The following MMS22L variants were observed in gnomAD, a reference collection of about 807,000 sequenced individuals.
MMS22L encodes the protein MMS22 like, DNA repair protein.
MMS22L carries 74 observed loss-of-function variants against 159.1 expected under a neutral mutation model. The ratio of observed to expected loss-of-function variants is 0.47; its 90% confidence interval spans 0.39 to 0.56. The LOEUF is 0.56. Among genes scored for constraint, MMS22L ranks in the 20% least tolerant of loss-of-function variants. The pLI is 0.00. For synonymous variants in MMS22L, 517 were observed against 506.9 expected, an observed-to-expected ratio of 1.02 and a Z score of -0.27; for missense variants, 1,351 against 1,422.1, an observed-to-expected ratio of 0.95 and a Z score of 0.80.
intron 6 of MMS22L, chr6:97,270,424 GA>G: frequency 2.9e-6 from 1 of 344,498 alleles, no homozygotes; most frequent in East Asian, 7.9e-5. Flanking sequence ...CTGTCATGTA[GA>G]CATTATTGTC....
intron 14 of MMS22L, among the ~76,000 whole-genome samples, chr6:97,225,572 GTTTT>G (rs202185434): frequency 7.0e-6 from 1 of 142,060 alleles, no homozygotes; most frequent in African/African-American, 2.6e-5. Flanking sequence ...TGGTCTCGAA[GTTTT>G]TTTTTTTTTC....
At chr6:97,248,387 G>A (rs530326586) in intron 10 of MMS22L, among the ~76,000 whole-genome samples, 1 of 92,614 alleles carries the variant, frequency 1.1e-5, no homozygotes, top group East Asian at 2.0e-4. Flanking sequence ...CTCAGAAATT[G>A]AGAGTGTGAG....
intron 14 of MMS22L, among the ~76,000 whole-genome samples, chr6:97,218,178 C>T (rs532184374): frequency 6.6e-6 from 1 of 152,222 alleles, no homozygotes; most frequent in East Asian, 1.9e-4. Context: ...ACACCGAAAA[C>T]CTTTCAACTG....
At chr6:97,225,174 A>G (rs969383401) in intron 14 of MMS22L, among the ~76,000 whole-genome samples, 1 of 152,244 alleles carries the variant, frequency 6.6e-6, no homozygotes, top group African/African-American at 2.4e-5. Context: ...TTAAAGAATT[A>G]CATACCAAGA....
rs923731883 is a variant in MMS22L, at chr6:97,142,989, T to G, written c.*3817A>C. 1 of 152,616 alleles carries G rather than the reference T, an allele frequency of 6.6e-6. No homozygotes were observed. The highest frequency in any genetic ancestry group is 1.5e-5 in the Non-Finnish European group (1 of 68,002). 9.5% of individuals were successfully genotyped at this position (152,616 alleles called of 1,614,324 possible). The stretch of plus-strand genomic sequence containing the variant: ...GTAAAGATATACAAGTTTTAAACTA[T>G]GAAATTCCTCTAATGCAAATGAACT... On this transcript the variant is annotated 3_prime_UTR_variant, in exon 25 of 25. Coordinates refer to ENST00000683635, the MANE Select transcript of MMS22L (RefSeq NM_001350599.2).
chr6:97,235,438 G>A (rs1403411052), intron 11 of MMS22L, among the ~76,000 whole-genome samples: 1 of 152,190 alleles, frequency 6.6e-6, no homozygotes, highest in African/African-American at 2.4e-5. Context: ...ATGATAAAAG[G>A]ATCCATAACT....
At chr6:97,255,851 ATAAAG>A (rs1299019803) in intron 9 of MMS22L, among the ~76,000 whole-genome samples, 1 of 152,148 alleles carries the variant, frequency 6.6e-6, no homozygotes, top group Non-Finnish European at 1.5e-5. Flanking sequence ...TTTATCCCTG[ATAAAG>A]TAAACCTTTC....
At chr6:97,224,468 T>G (rs1044882772) in intron 14 of MMS22L, among the ~76,000 whole-genome samples, 1 of 151,798 alleles carries the variant, frequency 6.6e-6, no homozygotes, top group South Asian at 2.1e-4. Context: ...AGGGTTGGAA[T>G]AGTACTAAAA....
intron 14 of MMS22L, among the ~76,000 whole-genome samples, chr6:97,203,633 G>A (rs556291577): frequency 5.3e-5 from 8 of 152,296 alleles, no homozygotes; most frequent in Non-Finnish European, 1.0e-4. Flanking sequence ...TGAGGAGGCA[G>A]CTGTATTATA....
In MMS22L at chr6:97,145,393, A is replaced by G. The variant is rs1246281371; in HGVS notation, c.*1413T>C. 2 of 152,202 alleles carry G rather than the reference A, an allele frequency of 1.3e-5. No individual in the cohort carries two copies. The highest frequency in any genetic ancestry group is 1.3e-4 in the Admixed American group (2 of 15,278). 9.4% of individuals were successfully genotyped at this position (152,202 alleles called of 1,614,324 possible). A position where few individuals can be genotyped will look rare whatever the true frequency, so the allele number is the denominator to read the frequency against. On this transcript the variant is annotated 3_prime_UTR_variant, in exon 25 of 25. Coordinates refer to ENST00000683635, the MANE Select transcript of MMS22L (RefSeq NM_001350599.2). The stretch of plus-strand genomic sequence containing the variant: ...ATTTCATTTTTAAAGATACTCCTTG[A>G]GCCAGAGAAGGGTTGAAATGTTTTC...
intron 4 of MMS22L, among the ~76,000 whole-genome samples, chr6:97,274,797 A>G (rs558139645): frequency 1.3e-5 from 2 of 152,328 alleles, no homozygotes; most frequent in South Asian, 4.1e-4. Context: ...TTCAAGCATG[A>G]AAAATATTAC....
intron 9 of MMS22L, chr6:97,259,400 A>C (rs1222618379): frequency 6.6e-6 from 1 of 152,218 alleles, no homozygotes; most frequent in Non-Finnish European, 1.5e-5. Flanking sequence ...CTGAGTAAAG[A>C]GATGGCCCTC....
chr6:97,143,276 A>G lies in MMS22L; in HGVS notation c.*3530T>C, dbSNP rs1490352634. On this transcript the variant is annotated 3_prime_UTR_variant, in exon 25 of 25. Transcript: ENST00000683635. ...AATTTCTATAGGAAAGAGGTCCTAT[A>G]CAGTTTCCATGCTGTAAACTGAATG... 1.3e-5 allele frequency: 2 copies of G among 152,146 alleles called. No individual in the cohort carries two copies. The highest frequency in any genetic ancestry group is 2.9e-5 in the Non-Finnish European group (2 of 68,016). 9.4% of individuals were successfully genotyped at this position (152,146 alleles called of 1,614,324 possible).
At chr6:97,267,772 T>C (rs765492919) in intron 8 of MMS22L, 100 bp downstream of exon 8, 68 of 1,076,690 alleles carry the variant, frequency 6.3e-5, no homozygotes, top group Middle Eastern at 3.0e-4. Flanking sequence ...AATTAGAACA[T>C]ATAAAGCATT....
chr6:97,159,325 T>C (rs1341705887), intron 22 of MMS22L, among the ~76,000 whole-genome samples: 2 of 151,886 alleles, frequency 1.3e-5, no homozygotes, highest in Non-Finnish European at 2.9e-5. Flanking sequence ...AACTATTTCC[T>C]TTGTGGTCAC....
chr6:97,258,288 A>T (rs569447579), intron 9 of MMS22L, among the ~76,000 whole-genome samples: 86 of 152,150 alleles, frequency 5.7e-4, no homozygotes, highest in Non-Finnish European at 1.1e-3. Flanking sequence ...TGTACTCATC[A>T]TTTTTTGAGC....
chr6:97,219,423 A>G (rs544152625), intron 14 of MMS22L, among the ~76,000 whole-genome samples: 1 of 152,308 alleles, frequency 6.6e-6, no homozygotes, highest in East Asian at 1.9e-4. Context: ...TATCCACTAC[A>G]TTATCCACTA....
intron 16 of MMS22L, among the ~76,000 whole-genome samples, chr6:97,181,061 C>T (rs565031415): frequency 6.6e-6 from 1 of 151,954 alleles, no homozygotes; most frequent in Non-Finnish European, 1.5e-5. Context: ...ATGCTAAGGA[C>T]GAAGACAGGA....
chr6:97,234,065 T>G, intron 11 of MMS22L, 85 bp from the exon 12 acceptor site: 1 of 1,413,182 alleles, frequency 7.1e-7, no homozygotes, highest in South Asian at 1.5e-5. Flanking sequence ...GTATATAACC[T>G]GCAGCTAAAA....
Sources: gnomAD v4.1 joint callset for allele counts (sites outside exome capture counted in the v4.1 genomes callset) on GRCh38, gnomAD v4.1.1 for gene constraint, MANE v1.5 for transcripts, NCBI Gene and HGNC (gene_info 2026-07-23, HGNC 2026-07-21) for gene names.